The following NKAIN2 variants were observed in gnomAD, a reference collection of about 807,000 sequenced individuals.
NKAIN2 encodes sodium/potassium transporting ATPase interacting 2, also known as sodium/potassium-transporting ATPase subunit beta-1-interacting protein 2.
NKAIN2 carries 14 observed loss-of-function variants against 32.6 expected under a neutral mutation model. The ratio of observed to expected loss-of-function variants is 0.43; its 90% CI spans 0.28 to 0.67. NKAIN2 has a LOEUF of 0.67. Ranked by LOEUF, NKAIN2 falls within the 30% of genes least tolerant of loss-of-function variation. The probability of loss-of-function intolerance (pLI) is 0.17; values close to 1 mark genes in which losing one functional copy is unlikely to be tolerated. For synonymous variants in NKAIN2, 80 were observed against 87.2 expected, an observed-to-expected ratio of 0.92 and a Z score of 0.46; for missense variants, 198 against 258.3, an observed-to-expected ratio of 0.77 and a Z score of 1.60.
chr6:124,522,016 C>T (rs1323854005), intron 3 of NKAIN2, among the ~76,000 whole-genome samples: 1 of 152,144 alleles, frequency 6.6e-6, no homozygotes, highest in African/African-American at 2.4e-5. Flanking sequence ...ATCCTCAGTA[C>T]TAACCCTACC....
intron 1 of NKAIN2, among the ~76,000 whole-genome samples, chr6:124,172,827 T>G (rs1188953512): frequency 6.6e-6 from 1 of 151,980 alleles, no homozygotes; most frequent in Non-Finnish European, 1.5e-5. Context: ...ATCTTTACAT[T>G]AATATTCAGA....
intron 1 of NKAIN2, among the ~76,000 whole-genome samples, chr6:124,019,748 A>G (rs1355678209): frequency 6.6e-6 from 1 of 152,094 alleles, no homozygotes; most frequent in African/African-American, 2.4e-5. Context: ...TTTTTTCATC[A>G]GCATACAGAT....
chr6:124,283,111 C>G lies in NKAIN2; in HGVS notation c.161C>G (p.Thr54Ser). Residue 54 changes from threonine (T) to serine (S), a missense_variant, in exon 2 of 7, where the codon ACT becomes AGT. Coordinates refer to ENST00000368417, the MANE Select transcript of NKAIN2 (RefSeq NM_001040214.3). ...ATCGTCATTCTTGGTTTGTTTGGAA[C>G]TATTCAATATAGACCTCGTTACATA... The part of the protein sequence containing the change: ...IIIVILGLFG[T>S]IQYRPRYITG... The G allele has an allele frequency of 6.2e-7, 1 of 1,609,916 alleles. No homozygotes were observed. Among genetic ancestry groups the G allele is most frequent in the African/African-American group, 1.3e-5 (1 of 74,948 alleles).
chr6:124,549,650 C>A (rs1024922272), intron 3 of NKAIN2, among the ~76,000 whole-genome samples: 1 of 152,160 alleles, frequency 6.6e-6, no homozygotes, highest in Non-Finnish European at 1.5e-5. Flanking sequence ...CTTCTCTCCT[C>A]GAATCTGAGA....
intron 4 of NKAIN2, among the ~76,000 whole-genome samples, chr6:124,700,330 G>A (rs984971113): frequency 3.9e-5 from 6 of 152,128 alleles, no homozygotes; most frequent in African/African-American, 1.4e-4. Context: ...CCTCTGAATT[G>A]ATTAGTATTA....
intron 3 of NKAIN2, among the ~76,000 whole-genome samples, chr6:124,435,027 A>AT (rs1410627524): frequency 1.3e-5 from 2 of 152,188 alleles, no homozygotes; most frequent in African/African-American, 4.8e-5. Flanking sequence ...AATAAAAATA[A>AT]TTATCATGAA....
chr6:124,264,485 A>AT (rs529765824), intron 1 of NKAIN2, among the ~76,000 whole-genome samples: 349 of 152,358 alleles, frequency 2.3e-3, no homozygotes, highest in African/African-American at 8.0e-3. Flanking sequence ...CATAAGTTAC[A>AT]TTCTAATTAA....
chr6:123,911,607 A>G (rs1449351534), intron 1 of NKAIN2, among the ~76,000 whole-genome samples: 2 of 151,816 alleles, frequency 1.3e-5, no homozygotes, highest in Non-Finnish European at 1.5e-5. Flanking sequence ...CAAACAAACC[A>G]TATCCAAAGG....
intron 3 of NKAIN2, among the ~76,000 whole-genome samples, chr6:124,510,411 T>TGCTATG (rs1778665240): frequency 6.6e-6 from 1 of 152,222 alleles, no homozygotes; most frequent in Non-Finnish European, 1.5e-5. Context: ...CTGTATGACA[T>TGCTATG]TTTGACTTTC....
intron 3 of NKAIN2, among the ~76,000 whole-genome samples, chr6:124,418,876 C>A (rs1010831212): frequency 1.3e-5 from 2 of 151,850 alleles, no homozygotes. Flanking sequence ...TTTGCATATG[C>A]GAATGATTCT....
At chr6:123,909,409 C>T (rs1049430216) in intron 1 of NKAIN2, among the ~76,000 whole-genome samples, 2 of 152,062 alleles carry the variant, frequency 1.3e-5, no homozygotes, top group African/African-American at 2.4e-5. Context: ...CAGGAAAAAA[C>T]GAATATCCTT....
chr6:124,177,132 A>G (rs1281725727), intron 1 of NKAIN2, among the ~76,000 whole-genome samples: 2 of 152,184 alleles, frequency 1.3e-5, no homozygotes, highest in Non-Finnish European at 2.9e-5. Context: ...AACCCTTGAA[A>G]TCCAAAATGC....
chr6:124,140,582 T>G (rs189383535), intron 1 of NKAIN2, among the ~76,000 whole-genome samples: 179 of 152,310 alleles, frequency 1.2e-3, no homozygotes, highest in African/African-American at 4.3e-3. Flanking sequence ...ACTGGTAACT[T>G]GTTCACTGAC....
chr6:124,337,669 G>A (rs1797935282), intron 2 of NKAIN2, among the ~76,000 whole-genome samples: 1 of 152,192 alleles, frequency 6.6e-6, no homozygotes, highest in African/African-American at 2.4e-5. Flanking sequence ...ATATTCAGAA[G>A]CTCCCTATAG....
chr6:124,370,815 A>T (rs1240026057), intron 3 of NKAIN2, among the ~76,000 whole-genome samples: 2 of 152,106 alleles, frequency 1.3e-5, no homozygotes, highest in South Asian at 4.1e-4. Flanking sequence ...TTCTGAAGAG[A>T]TCTGTAGCTA....
chr6:124,669,625 G>A (rs1030662546), intron 4 of NKAIN2, among the ~76,000 whole-genome samples: 1 of 151,986 alleles, frequency 6.6e-6, no homozygotes, highest in Non-Finnish European at 1.5e-5. Flanking sequence ...GCTCTGACCA[G>A]GTATAGCCTA....
At chr6:124,801,971 C>T (rs1488954158) in intron 5 of NKAIN2, among the ~76,000 whole-genome samples, 21 of 152,280 alleles carry the variant, frequency 1.4e-4, no homozygotes. Flanking sequence ...TATAGGAAAT[C>T]TAGTTTCAGC....
intron 4 of NKAIN2, among the ~76,000 whole-genome samples, chr6:124,780,002 A>G (rs991464915): frequency 3.3e-5 from 5 of 152,260 alleles, no homozygotes; most frequent in African/African-American, 1.2e-4. Flanking sequence ...CCAGTTGAAA[A>G]TAAAACAATG....
intron 1 of NKAIN2, among the ~76,000 whole-genome samples, chr6:123,970,629 A>G (rs1390842300): frequency 3.3e-5 from 5 of 152,102 alleles, no homozygotes; most frequent in Non-Finnish European, 7.4e-5. Context: ...CTGTAATCCT[A>G]GCACTTTGGG....
Sources: allele counts gnomAD v4.1 joint callset (sites outside exome capture counted in the v4.1 genomes callset), GRCh38; gene constraint gnomAD v4.1.1; transcripts MANE v1.5; gene names NCBI Gene and HGNC (gene_info 2026-07-23, HGNC 2026-07-21).